KIAA2012: variants seen among roughly 807,000 people sequenced by gnomAD.
KIAA2012 encodes the protein uncharacterized protein KIAA2012.
Under a neutral mutation model 150.6 loss-of-function variants are expected in KIAA2012, and 125 were observed. The ratio of observed to expected loss-of-function variants is 0.83; its 90% CI spans 0.72 to 0.96. The LOEUF (loss-of-function observed/expected upper bound fraction) is 0.96. KIAA2012 is among the 40% of genes least tolerant of loss of function. The pLI is 0.00. For synonymous variants in KIAA2012, 462 were observed against 504.7 expected, an observed-to-expected ratio of 0.92 and a Z score of 1.13; for missense variants, 1,219 against 1,354.9, an observed-to-expected ratio of 0.90 and a Z score of 1.57.
chr2:202,179,151 T>G, intron 15 of KIAA2012: 1 of 486,732 alleles, frequency 2.1e-6, no homozygotes, highest in Non-Finnish European at 3.8e-6. Flanking sequence ...AATATTCATC[T>G]TCCCCACTGG....
Position 202,132,729 on chromosome 2 carries a change from G to A in KIAA2012, c.1832-5703G>A, listed in dbSNP as rs1371571131. ...ATATGTATATATGTATATATATATA[G>A]TATATATGTATATATATAGTATATA... On this transcript the variant is annotated intron_variant, in intron 12 of 23. Transcript: ENST00000498697. 6.8e-3 allele frequency among the ~76,000 whole-genome samples: 359 copies of A among 52,970 alleles called. 2 individuals carry two copies. The highest frequency in any genetic ancestry group is 0.01 in the Non-Finnish European group (290 of 27,646). 34.8% of individuals were successfully genotyped at this position (52,970 alleles called of 152,430 possible).
At chr2:202,142,352 C>A (rs2105946345) in intron 13 of KIAA2012, among the ~76,000 whole-genome samples, 1 of 152,296 alleles carries the variant, frequency 6.6e-6, no homozygotes, top group African/African-American at 2.4e-5. Context: ...TTATGTATTT[C>A]TGACTTCCGG....
chr2:202,094,344 G>A (rs532097088), intron 4 of KIAA2012, among the ~76,000 whole-genome samples: 6 of 152,242 alleles, frequency 3.9e-5, no homozygotes, highest in South Asian at 2.1e-4. Flanking sequence ...CCCCATCTTT[G>A]GGGAAATGAT....
At chr2:202,171,148 TAC>T (rs1309804214) in intron 15 of KIAA2012, among the ~76,000 whole-genome samples, 1 of 141,206 alleles carries the variant, frequency 7.1e-6, no homozygotes, top group African/African-American at 3.0e-5. Context: ...CACAGACATA[TAC>T]ACACACACAT....
chr2:202,202,669 T>C, intron 23 of KIAA2012, 82 bp downstream of exon 23: 1 of 395,588 alleles, frequency 2.5e-6, no homozygotes, highest in Non-Finnish European at 4.5e-6. Context: ...GGCTCATGCA[T>C]GTAATCCCAA....
intron 15 of KIAA2012, among the ~76,000 whole-genome samples, chr2:202,166,230 A>G (rs1691759194): frequency 6.6e-6 from 1 of 152,244 alleles, no homozygotes; most frequent in Non-Finnish European, 1.5e-5. Flanking sequence ...ATGCAATGAA[A>G]TATCACCACA....
At chr2:202,188,491 A>G (rs1692271881) in intron 18 of KIAA2012, among the ~76,000 whole-genome samples, 1 of 152,210 alleles carries the variant, frequency 6.6e-6, no homozygotes, top group Non-Finnish European at 1.5e-5. Context: ...CAAGAAAGGA[A>G]ATTATAATAA....
At chr2:202,157,514 T>G (rs913616143) in intron 14 of KIAA2012, among the ~76,000 whole-genome samples, 11 of 152,214 alleles carry the variant, frequency 7.2e-5, no homozygotes, top group African/African-American at 2.4e-4. Flanking sequence ...TGGAAAGAGA[T>G]AAAAATAATC....
At chr2:202,165,395 A>G (rs768205633) in intron 15 of KIAA2012, 39 bp downstream of exon 15, 2 of 1,521,000 alleles carry the variant, frequency 1.3e-6, no homozygotes, top group South Asian at 1.2e-5. Flanking sequence ...TCTTATAGCC[A>G]TAACTGTCAG....
chr2:202,194,163 T>C, intron 20 of KIAA2012, 27 bp from the exon 21 acceptor site: 1 of 1,549,614 alleles, frequency 6.5e-7, no homozygotes. Flanking sequence ...TTTCTGCCAT[T>C]TCCCTGACCA....
chr2:202,090,925 C>G lies in KIAA2012; in HGVS notation c.525C>G (p.Cys175Trp), dbSNP rs563801614. The G allele has an allele frequency of 2.6e-6, 4 of 1,545,634 alleles. No individual in the cohort carries two copies. Among genetic ancestry groups the G allele is most frequent in the Middle Eastern group, 1.7e-4 (1 of 5,970 alleles). Reference sequence around the variant, plus strand: ...CAGACGCCATGTATAGGCTCTGGTGCGCAGGTCAGTGGGGAAATGGGAGGG... The same window carrying G: ...CAGACGCCATGTATAGGCTCTGGTGGGCAGGTCAGTGGGGAAATGGGAGGG... ...WPPDAMYRLW[C>W]AGYIKDSVLL... The change falls in exon 3 of 24, where the codon TGC becomes TGG. Residue 175 changes from cysteine (C) to tryptophan (W), a missense_variant. Cys to Trp is a radical substitution (Grantham distance 215). Transcript: ENST00000498697.
chr2:202,198,769 T>C (rs1692461350), intron 22 of KIAA2012, among the ~76,000 whole-genome samples: 1 of 152,102 alleles, frequency 6.6e-6, no homozygotes, highest in Non-Finnish European at 1.5e-5. Context: ...TAACTGTAAA[T>C]ACTTTTCCCC....
chr2:202,093,068 C>T lies in KIAA2012; in HGVS notation c.568C>T (p.Leu190Phe), dbSNP rs1288573177. 1.3e-6 allele frequency: 2 copies of T among 1,550,720 alleles called. No homozygotes were observed. Among genetic ancestry groups the T allele is most frequent in the Middle Eastern group, 1.7e-4 (1 of 5,994 alleles). The change falls in exon 4 of 24, where the codon CTT becomes TTT. Residue 190 changes from leucine to phenylalanine, a missense_variant. Leu to Phe is a conservative substitution (Grantham distance 22). Transcript: ENST00000498697. Reference protein sequence around the residue: ...KDSVLLQDSQLNVPKKLRPQQ... With the variant: ...KDSVLLQDSQFNVPKKLRPQQ... ...TTCTGTGCTACTCCAGGACAGTCAA[C>T]TTAATGTACCAAAGAAGCTCAGGCC...
intron 8 of KIAA2012, 91 bp downstream of exon 8, chr2:202,103,205 C>A: frequency 1.6e-6 from 2 of 1,226,516 alleles, no homozygotes; most frequent in African/African-American, 1.5e-5. Flanking sequence ...GGCTGACGTT[C>A]CCTATGGTCA....
intron 22 of KIAA2012, among the ~76,000 whole-genome samples, chr2:202,202,227 T>G (rs1483573225): frequency 9.2e-5 from 14 of 152,034 alleles, no homozygotes; most frequent in Non-Finnish European, 5.9e-5. Context: ...CTTTTTACTT[T>G]TCCAGTAGGA....
chr2:202,165,903 C>T (rs1162615946), intron 15 of KIAA2012, among the ~76,000 whole-genome samples: 2 of 152,142 alleles, frequency 1.3e-5, no homozygotes, highest in Non-Finnish European at 2.9e-5. Context: ...ATCATGGTAG[C>T]CTGATCCTGG....
intron 15 of KIAA2012, among the ~76,000 whole-genome samples, chr2:202,181,072 C>T (rs981509892): frequency 1.3e-5 from 2 of 152,092 alleles, no homozygotes; most frequent in African/African-American, 2.4e-5. Context: ...CAAGCTCAAG[C>T]GATCCTCCCA....
intron 9 of KIAA2012, among the ~76,000 whole-genome samples, chr2:202,108,868 A>G (rs1690270377): frequency 6.6e-6 from 1 of 152,236 alleles, no homozygotes; most frequent in South Asian, 2.1e-4. Context: ...CCAAATATTA[A>G]TAGCAACTAT....
At chr2:202,085,012 T>C (rs1298801889) in intron 2 of KIAA2012, among the ~76,000 whole-genome samples, 1 of 152,212 alleles carries the variant, frequency 6.6e-6, no homozygotes, top group African/African-American at 2.4e-5. Context: ...TTTGTTGTTT[T>C]CCACTGAAAA....
Sources: gnomAD v4.1 joint callset for allele counts (sites outside exome capture counted in the v4.1 genomes callset) on GRCh38, gnomAD v4.1.1 for gene constraint, MANE v1.5 for transcripts, NCBI Gene and HGNC (gene_info 2026-07-23, HGNC 2026-07-21) for gene names.